The following MAP4K5 variants were observed in gnomAD, a reference collection of about 807,000 sequenced individuals.
MAP4K5 encodes mitogen-activated protein kinase kinase kinase kinase 5, also known as MAPK/ERK kinase kinase kinase 5.
A neutral mutation model predicts 135.6 loss-of-function variants in MAP4K5; 82 were observed. The observed-to-expected ratio is 0.60, with a 90% CI of 0.51 to 0.73. The LOEUF (loss-of-function observed/expected upper bound fraction) is 0.73. Among genes scored for constraint, MAP4K5 ranks in the 30% least tolerant of loss-of-function variants. The pLI is 0.00. For synonymous variants in MAP4K5, 347 were observed against 335.0 expected (o/e 1.04, Z -0.39); for missense variants, 907 against 1,010.9 (o/e 0.90, Z 1.39).
At chr14:50,540,169 G>A (rs2038542957) in intron 2 of MAP4K5, among the ~76,000 whole-genome samples, 1 of 152,206 alleles carries the variant, frequency 6.6e-6, no homozygotes, top group South Asian at 2.1e-4. Context: ...GTTTAGCACA[G>A]TTACTATAAT....
chr14:50,482,535 T>C (rs2037268711), intron 5 of MAP4K5, 119 bp from the exon 6 acceptor site: 3 of 630,400 alleles, frequency 4.8e-6, no homozygotes, highest in East Asian at 3.6e-5. Flanking sequence ...TCCCAGCACT[T>C]TGGGAGGCCA....
At chr14:50,500,887 G>T (rs763720771) in intron 3 of MAP4K5, among the ~76,000 whole-genome samples, 1 of 152,112 alleles carries the variant, frequency 6.6e-6, no homozygotes, top group Non-Finnish European at 1.5e-5. Flanking sequence ...GGTTTGAGAA[G>T]AATAATCAAT....
At chr14:50,499,225 AAG>A (rs1176758342) in intron 3 of MAP4K5, among the ~76,000 whole-genome samples, 1 of 152,204 alleles carries the variant, frequency 6.6e-6, no homozygotes, top group Non-Finnish European at 1.5e-5. Context: ...AGGGATATGA[AAG>A]GGGGAAAAAA....
chr14:50,502,260 T>C (rs942710854), intron 3 of MAP4K5, among the ~76,000 whole-genome samples: 1 of 152,196 alleles, frequency 6.6e-6, no homozygotes, highest in African/African-American at 2.4e-5. Flanking sequence ...CTGGAAGCAC[T>C]ATCCTACAAT....
chr14:50,466,453 C>A, intron 11 of MAP4K5, 130 bp downstream of exon 11: 4 of 351,078 alleles, frequency 1.1e-5, no homozygotes, highest in East Asian at 5.3e-5. Flanking sequence ...GCAAGCAAAT[C>A]AGCTGTGTAA....
Position 50,442,740 on chromosome 14 carries a change from T to C in MAP4K5, c.1556A>G (p.Asp519Gly). ...AAATTCAAACATTTTACCTTTTGTA[T>C]CAGGATGTATCCAGGATGTTGCACA... is the stretch of plus-strand genomic sequence containing the variant. ...INCATSWIHPDTKDQYIIFGT... is the reference protein window; with the variant it reads ...INCATSWIHPGTKDQYIIFGT... Residue 519 changes from aspartate (D) to glycine (G), a missense_variant, in exon 21 of 33, where the codon GAT (aspartate) becomes GGT (glycine). By Grantham distance (94) the Asp-to-Gly change is moderately conservative. This residue lies in a region of MAP4K5 where 690 missense variants were observed against 777.4 expected (regional missense o/e 0.89). Transcript: ENST00000682126. The C allele has an allele frequency of 6.3e-7, 1 of 1,587,710 alleles. No individual in the cohort carries two copies. Among genetic ancestry groups the C allele is most frequent in the Non-Finnish European group, 8.6e-7 (1 of 1,167,934 alleles).
rs1332779486 is a variant in MAP4K5, at chr14:50,442,988, A to C, written c.1480-172T>G. ...ATCATTAAACCCCTACTACCAAGAC[A>C]GTCTCATATTCTTTCCTTTTGTAAT... On this transcript the variant is annotated intron_variant, in intron 20 of 32. Coordinates refer to ENST00000682126, the MANE Select transcript of MAP4K5 (RefSeq NM_006575.6). Among the ~76,000 whole-genome samples, 3 of 152,192 alleles carry C rather than the reference A, an allele frequency of 2.0e-5. No homozygotes were observed. In the East Asian group the frequency reaches 5.8e-4, roughly 29 times the overall value.
rs1271907368 is a variant in MAP4K5 at position 50,429,280 on chromosome 14, G to A, written c.2165-20C>T. On this transcript the variant is annotated intron_variant, in intron 28 of 32. Transcript: ENST00000682126. Reference sequence around the variant, plus strand: ...GGCTGCCTTAGGAAGTAAAAAACAAGGTTACAATTATACTTTTAAAACCTA... The same window carrying A: ...GGCTGCCTTAGGAAGTAAAAAACAAAGTTACAATTATACTTTTAAAACCTA... 1 of 1,486,340 alleles carries A rather than the reference G, an allele frequency of 6.7e-7. No individual in the cohort carries two copies. Among genetic ancestry groups the A allele is most frequent in the Non-Finnish European group, 9.2e-7 (1 of 1,090,258 alleles). The allele number at this position is 1,486,340 out of a possible 1,614,324, so 92.1% of individuals were successfully genotyped here. A position where few individuals can be genotyped will look rare whatever the true frequency, so the allele number is the denominator to read the frequency against.
chr14:50,487,808 G>A (rs1037024863), intron 3 of MAP4K5, among the ~76,000 whole-genome samples: 2 of 151,990 alleles, frequency 1.3e-5, no homozygotes, highest in Non-Finnish European at 2.9e-5. Context: ...TTCACTCGCG[G>A]GCACCAGAAT....
chr14:50,430,577 G>C (rs995977420), intron 28 of MAP4K5, among the ~76,000 whole-genome samples: 7 of 152,266 alleles, frequency 4.6e-5, no homozygotes, highest in African/African-American at 1.7e-4. Context: ...TGCCCTTTCT[G>C]ATAGTGCCTT....
chr14:50,552,867 G>A (rs1216239676), intron 1 of MAP4K5, among the ~76,000 whole-genome samples: 1 of 152,072 alleles, frequency 6.6e-6, no homozygotes, highest in Non-Finnish European at 1.5e-5. Context: ...AACTCAAGAT[G>A]GATCAAAGAC....
At chr14:50,494,166 T>A (rs1465819346) in intron 3 of MAP4K5, among the ~76,000 whole-genome samples, 2 of 151,506 alleles carry the variant, frequency 1.3e-5, no homozygotes, top group African/African-American at 4.8e-5. Context: ...ATTATTATTA[T>A]TTTATTTATT....
At position 50,442,901 on chromosome 14, in the gene MAP4K5, C is replaced by G. The variant is rs148304272; in HGVS notation, c.1480-85G>C. On this transcript the variant is annotated intron_variant, in intron 20 of 32. Transcript: ENST00000682126. ...AAAATAACTAACATCATTGAAATAC[C>G]AAATTAACTCTTATTTGCGTATGCT... 31 of 734,824 alleles carry G rather than the reference C, an allele frequency of 4.2e-5. No individual in the cohort carries two copies. The East Asian group carries it at 4.9e-4, about 12-fold the overall frequency. The allele number at this position is 734,824 out of a possible 1,614,324, so 45.5% of individuals were successfully genotyped here.
intron 5 of MAP4K5, among the ~76,000 whole-genome samples, chr14:50,484,653 T>C (rs2037324303): frequency 6.6e-6 from 1 of 152,200 alleles, no homozygotes; most frequent in Non-Finnish European, 1.5e-5. Context: ...TTCATCTTTT[T>C]AAGTGCCGCA....
At chr14:50,458,487 A>G (rs1265125454) in intron 13 of MAP4K5, among the ~76,000 whole-genome samples, 1 of 152,116 alleles carries the variant, frequency 6.6e-6, no homozygotes, top group Non-Finnish European at 1.5e-5. Flanking sequence ...CAAATCACTC[A>G]ATCTAGCTCC....
intron 3 of MAP4K5, among the ~76,000 whole-genome samples, chr14:50,499,656 TAA>T (rs112715406): frequency 4.3e-5 from 6 of 139,778 alleles, no homozygotes; most frequent in South Asian, 2.3e-4. Flanking sequence ...AGACCCTGTT[TAA>T]AAAAAAAAAA....
intron 3 of MAP4K5, among the ~76,000 whole-genome samples, chr14:50,487,901 C>T (rs891585729): frequency 2.0e-5 from 3 of 152,074 alleles, no homozygotes; most frequent in Non-Finnish European, 4.4e-5. Context: ...GCTAATTTCC[C>T]TCAAACTGGC....
At chr14:50,431,664 T>C (rs1223873619) in intron 28 of MAP4K5, among the ~76,000 whole-genome samples, 1 of 151,852 alleles carries the variant, frequency 6.6e-6, no homozygotes, top group African/African-American at 2.4e-5. Context: ...GTTGGACATT[T>C]GGGTTGGTTC....
intron 2 of MAP4K5, among the ~76,000 whole-genome samples, chr14:50,527,067 T>A (rs528731184): frequency 6.6e-6 from 1 of 152,280 alleles, no homozygotes; most frequent in South Asian, 2.1e-4. Context: ...TTTGACTGGG[T>A]GTGGTGGCTC....
Sources: gnomAD v4.1 joint callset for allele counts (sites outside exome capture counted in the v4.1 genomes callset) on GRCh38, gnomAD v4.1.1 for gene constraint, gnomAD v4.1.1 regional missense constraint, MANE v1.5 for transcripts, NCBI Gene and HGNC (gene_info 2026-07-23, HGNC 2026-07-21) for gene names.